DERA: variants seen among roughly 807,000 people sequenced by gnomAD.
DERA encodes 2-deoxy-D-ribose 5-phosphate aldolase.
A neutral mutation model predicts 41.1 loss-of-function variants in DERA; 15 were observed. The observed-to-expected ratio is 0.37, with a 90% CI of 0.24 to 0.56. DERA has a LOEUF of 0.56. Among genes scored for constraint, DERA ranks in the 20% least tolerant of loss-of-function variants. DERA has a pLI of 0.81. For missense variants in DERA, 396 were observed against 403.4 expected (o/e 0.98, Z 0.16); for synonymous variants, 139 against 137.4 (o/e 1.01, Z -0.08).
intron 1 of DERA, among the ~76,000 whole-genome samples, chr12:15,951,762 GATAC>G (rs1948499347): frequency 6.6e-6 from 1 of 152,124 alleles, no homozygotes; most frequent in Non-Finnish European, 1.5e-5. Context: ...TACACCAACA[GATAC>G]ATGTTTTGTG....
Position 15,943,331 on chromosome 12 carries a change from G to A in DERA, c.32-13605G>A, listed in dbSNP as rs1021823576. On this transcript the variant is annotated intron_variant, in intron 1 of 8. Transcript: ENST00000428559. This position sits in a 1 kb window ranked among gnomAD's most constrained non-coding sequence, Gnocchi z 4.5. ...TGATGAGATTTTGACCCCCTCCACT[G>A]TATTCCTTTTAGTGATTTGGTACAG... is the stretch of plus-strand genomic sequence containing the variant. Among the ~76,000 whole-genome samples the A allele has an allele frequency of 2.0e-5, 3 of 152,168 alleles. No homozygotes were observed. The highest frequency in any genetic ancestry group is 4.4e-5 in the Non-Finnish European group (3 of 68,012).
In DERA at chr12:16,026,527, A is replaced by T. The variant is rs1949054417; in HGVS notation, c.638-6015A>T. Among the ~76,000 whole-genome samples the T allele has an allele frequency of 6.6e-6, 1 of 151,210 alleles. No homozygotes were observed. Reference sequence around the variant, plus strand: ...TCTATATCTATTAAAGAAATTATTTAAATTTAATTTAATTTCTTTTATAAA... The same window carrying T: ...TCTATATCTATTAAAGAAATTATTTTAATTTAATTTAATTTCTTTTATAAA... On this transcript the variant is annotated intron_variant, in intron 6 of 8. Transcript: ENST00000428559. The surrounding 1 kb of genome is among the most constrained non-coding windows in gnomAD (Gnocchi z 4.4).
At chr12:16,024,693 A>G (rs1190476326) in intron 6 of DERA, among the ~76,000 whole-genome samples, 1 of 151,698 alleles carries the variant, frequency 6.6e-6, no homozygotes, top group Non-Finnish European at 1.5e-5. Context: ...GCTGTAATCC[A>G]CTCTTATTAC....
At chr12:15,973,945 A>G (rs1400528356) in intron 5 of DERA, among the ~76,000 whole-genome samples, 2 of 152,196 alleles carry the variant, frequency 1.3e-5, no homozygotes, top group African/African-American at 4.8e-5. Context: ...AATAATTTTA[A>G]ACTTACAGAA....
chr12:15,982,200 T>C lies in DERA; in HGVS notation c.509-108T>C. 1.8e-6 allele frequency: 2 copies of C among 1,107,470 alleles called. No individual in the cohort carries two copies. Among genetic ancestry groups the C allele is most frequent in the Non-Finnish European group, 2.5e-6 (2 of 787,212 alleles). 68.6% of individuals were successfully genotyped at this position (1,107,470 alleles called of 1,614,324 possible). ...GGGGTGATTTTTAGAAAGTGACAAATGTTTTATGTTTCCTAAATGTGAAAT... is the reference window on the plus strand; with the variant it reads ...GGGGTGATTTTTAGAAAGTGACAAACGTTTTATGTTTCCTAAATGTGAAAT... On this transcript the variant is annotated intron_variant, in intron 5 of 8. Coordinates refer to ENST00000428559, the MANE Select transcript of DERA (RefSeq NM_015954.4). The surrounding 1 kb of genome is among the most constrained non-coding windows in gnomAD (Gnocchi z 4.0).
In DERA at chr12:15,911,578, C is replaced by T. The variant is rs906362950; in HGVS notation, c.31+164C>T. ...GGTCAGCCCTCACCCCAAGTAAAGG[C>T]CGAACCCGGCACGTTCGCGCCGCTT... On this transcript the variant is annotated intron_variant, in intron 1 of 8. Coordinates refer to ENST00000428559, the MANE Select transcript of DERA (RefSeq NM_015954.4). The surrounding 1 kb of genome is among the most constrained non-coding windows in gnomAD (Gnocchi z 4.5). The T allele has an allele frequency of 5.3e-6, 4 of 751,116 alleles. No individual in the cohort carries two copies. The African/African-American group carries it at 7.0e-5, about 13-fold the overall frequency. The allele number at this position is 751,116 out of a possible 1,614,324, so 46.5% of individuals were successfully genotyped here. A position where few individuals can be genotyped will look rare whatever the true frequency, so the allele number is the denominator to read the frequency against.
At chr12:15,987,512 C>T (rs886846418) in intron 6 of DERA, among the ~76,000 whole-genome samples, 1 of 152,104 alleles carries the variant, frequency 6.6e-6, no homozygotes, top group Non-Finnish European at 1.5e-5. Flanking sequence ...GCTGGGATTA[C>T]AGATGTAACC....
In DERA at chr12:16,012,669, A is replaced by G. The variant is rs1948954340; in HGVS notation, c.638-19873A>G. Among the ~76,000 whole-genome samples the G allele has an allele frequency of 6.6e-6, 1 of 152,188 alleles. No homozygotes were observed. Among genetic ancestry groups the G allele is most frequent in the African/African-American group, 2.4e-5 (1 of 41,440 alleles). On this transcript the variant is annotated intron_variant, in intron 6 of 8. Coordinates refer to ENST00000428559, the MANE Select transcript of DERA (RefSeq NM_015954.4). This position sits in a 1 kb window ranked among gnomAD's most constrained non-coding sequence, Gnocchi z 4.1. ...TAAGCCTTTTTTCTCAATAAATTTT[A>G]AACCAACATTTTAAAGATATTGGTG... is the stretch of plus-strand genomic sequence containing the variant.
chr12:15,913,871 A>G lies in DERA; in HGVS notation c.31+2457A>G, dbSNP rs1455223439. ...TACTGAAGCATACCCAAGTTTGAGA[A>G]CCAATGGCTTAATGATCTCCAAGGT... On this transcript the variant is annotated intron_variant, in intron 1 of 8. Coordinates refer to ENST00000428559, the MANE Select transcript of DERA (RefSeq NM_015954.4). The surrounding 1 kb of genome is among the most constrained non-coding windows in gnomAD (Gnocchi z 4.5). 6.6e-6 allele frequency among the ~76,000 whole-genome samples: 1 copy of G among 152,216 alleles called. No homozygotes were observed. The highest frequency in any genetic ancestry group is 1.5e-5 in the Non-Finnish European group (1 of 68,040).
In DERA at chr12:15,938,824, G is replaced by T. The variant is rs1012413820; in HGVS notation, c.32-18112G>T. On this transcript the variant is annotated intron_variant, in intron 1 of 8. Transcript: ENST00000428559. The surrounding 1 kb of genome is among the most constrained non-coding windows in gnomAD (Gnocchi z 4.1). ...GATGTTTCTGTTTATGATCCTTTGG[G>T]ATATTTTGCTAATTCAAATACTGTA... is the stretch of plus-strand genomic sequence containing the variant. 2.0e-5 allele frequency among the ~76,000 whole-genome samples: 3 copies of T among 152,146 alleles called. No individual in the cohort carries two copies. Among genetic ancestry groups the T allele is most frequent in the African/African-American group, 7.2e-5 (3 of 41,422 alleles).
rs929544482 is a variant in DERA at position 15,967,551 on chromosome 12, A to T, written c.508+4604A>T. ...AAACTGTTTCATTACTGATTATATT[A>T]TCCCAGAATACAGTGATGCTTTCAG... On this transcript the variant is annotated intron_variant, in intron 5 of 8. Transcript: ENST00000428559. This position sits in a 1 kb window ranked among gnomAD's most constrained non-coding sequence, Gnocchi z 4.9. 2.0e-5 allele frequency among the ~76,000 whole-genome samples: 3 copies of T among 152,176 alleles called. No homozygotes were observed. Among genetic ancestry groups the T allele is most frequent in the Non-Finnish European group, 2.9e-5 (2 of 68,044 alleles).
chr12:16,010,169 A>G lies in DERA; in HGVS notation c.638-22373A>G, dbSNP rs1948938029. On this transcript the variant is annotated intron_variant, in intron 6 of 8. Transcript: ENST00000428559. The surrounding 1 kb of genome is among the most constrained non-coding windows in gnomAD (Gnocchi z 5.5). ...ATGTGAGCATATATATTCGTGGGCA[A>G]GGCAGTGCCTTGAAAACAAGTGTGT... Among the ~76,000 whole-genome samples, 1 of 152,194 alleles carries G rather than the reference A, an allele frequency of 6.6e-6. No individual in the cohort carries two copies. Among genetic ancestry groups the G allele is most frequent in the Non-Finnish European group, 1.5e-5 (1 of 68,030 alleles).
chr12:15,962,149 T>A (rs180744261), intron 4 of DERA, among the ~76,000 whole-genome samples: 39 of 152,308 alleles, frequency 2.6e-4, no homozygotes, highest in African/African-American at 9.1e-4. Context: ...AGAGTGTAGT[T>A]GTGTTTTGTG....
Position 15,913,317 on chromosome 12 carries a change from T to A in DERA, c.31+1903T>A, listed in dbSNP as rs1466220863. Among the ~76,000 whole-genome samples the A allele has an allele frequency of 6.6e-6, 1 of 152,172 alleles. No individual in the cohort carries two copies. Among genetic ancestry groups the A allele is most frequent in the Non-Finnish European group, 1.5e-5 (1 of 68,012 alleles). On this transcript the variant is annotated intron_variant, in intron 1 of 8. Coordinates refer to ENST00000428559, the MANE Select transcript of DERA (RefSeq NM_015954.4). The surrounding 1 kb of genome is among the most constrained non-coding windows in gnomAD (Gnocchi z 4.5). ...TATTATCTTATTTGTTAAAATCAGA[T>A]TTTTTTCCTTCACGGGTATTAATCC...
chr12:15,973,180 C>T (rs547797608), intron 5 of DERA, among the ~76,000 whole-genome samples: 11 of 152,212 alleles, frequency 7.2e-5, no homozygotes, highest in African/African-American at 2.6e-4. Context: ...GGAGACAACT[C>T]TTCTGCTAGT....
In DERA at chr12:15,921,310, C is replaced by T. The variant is rs1368319466; in HGVS notation, c.31+9896C>T. On this transcript the variant is annotated intron_variant, in intron 1 of 8. Transcript: ENST00000428559. This position sits in a 1 kb window ranked among gnomAD's most constrained non-coding sequence, Gnocchi z 5.3. ...TTAGTGGAAGGATATAATCAGTGTTCTTGATGATTTTGGAAATTGACATAA... is the reference window on the plus strand; with the variant it reads ...TTAGTGGAAGGATATAATCAGTGTTTTTGATGATTTTGGAAATTGACATAA... Among the ~76,000 whole-genome samples the T allele has an allele frequency of 6.6e-6, 1 of 151,774 alleles. No homozygotes were observed. The highest frequency in any genetic ancestry group is 1.5e-5 in the Non-Finnish European group (1 of 67,968).
chr12:15,969,469 G>T (rs988116237), intron 5 of DERA, among the ~76,000 whole-genome samples: 2 of 152,196 alleles, frequency 1.3e-5, no homozygotes, highest in Admixed American at 6.5e-5. Context: ...AGGATTGTCT[G>T]ACATTCTGCA....
rs1948787993 is a variant in DERA, at chr12:15,989,602, G to T, written c.637+7166G>T. ...TGAGTTTTATTGTTATTTATAGCAG[G>T]AGGGCGAGTCTGGTGACATTCTGTT... On this transcript the variant is annotated intron_variant, in intron 6 of 8. Coordinates refer to ENST00000428559, the MANE Select transcript of DERA (RefSeq NM_015954.4). The surrounding 1 kb of genome is among the most constrained non-coding windows in gnomAD (Gnocchi z 5.2). Among the ~76,000 whole-genome samples, 1 of 152,202 alleles carries T rather than the reference G, an allele frequency of 6.6e-6. No individual in the cohort carries two copies. Among genetic ancestry groups the T allele is most frequent in the Non-Finnish European group, 1.5e-5 (1 of 68,032 alleles).
At position 15,983,508 on chromosome 12, in the gene DERA, A is replaced by G. The variant is rs1948745724; in HGVS notation, c.637+1072A>G. 6.6e-6 allele frequency among the ~76,000 whole-genome samples: 1 copy of G among 152,060 alleles called. No individual in the cohort carries two copies. The highest frequency in any genetic ancestry group is 2.4e-5 in the African/African-American group (1 of 41,400). On this transcript the variant is annotated intron_variant, in intron 6 of 8. Transcript: ENST00000428559. This position sits in a 1 kb window ranked among gnomAD's most constrained non-coding sequence, Gnocchi z 6.2. Reference sequence around the variant, plus strand: ...CAGCACAGGTACCACCTTTTTCAGGAATTATTTCCCCTGACACTGCTTCTC... The same window carrying G: ...CAGCACAGGTACCACCTTTTTCAGGGATTATTTCCCCTGACACTGCTTCTC...
Sources: gnomAD v4.1 joint callset for allele counts (sites outside exome capture counted in the v4.1 genomes callset) on GRCh38, gnomAD v4.1.1 for gene constraint, Gnocchi (gnomAD v3.1) non-coding constraint, MANE v1.5 for transcripts, NCBI Gene and HGNC (gene_info 2026-07-23, HGNC 2026-07-21) for gene names.